ATCAY: variants seen among roughly 807,000 people sequenced by gnomAD.
ATCAY encodes ATCAY kinesin light chain interacting caytaxin.
In ATCAY, 22 loss-of-function variants were observed where a neutral mutation model predicts 47.7. That is an observed-to-expected ratio of 0.46 (90% confidence interval 0.33 to 0.66). ATCAY has a LOEUF of 0.66. ATCAY is among the 30% of genes least tolerant of loss of function. ATCAY has a pLI of 0.02. For synonymous variants in ATCAY, 216 were observed against 207.6 expected (o/e 1.04, Z -0.35); for missense variants, 452 against 515.0 (o/e 0.88, Z 1.18).
At chr19:3,901,479 A>C (rs2038815911) in intron 2 of ATCAY, among the ~76,000 whole-genome samples, 1 of 151,960 alleles carries the variant, frequency 6.6e-6, no homozygotes, top group Admixed American at 6.6e-5. Flanking sequence ...TTTTTGCTGC[A>C]TTTGAGAGTC....
At chr19:3,887,989 C>G (rs182744978) in intron 2 of ATCAY, among the ~76,000 whole-genome samples, 3 of 151,882 alleles carry the variant, frequency 2.0e-5, no homozygotes, top group South Asian at 2.1e-4. Context: ...GTGGTGCACG[C>G]CTGTAATCCC....
intron 4 of ATCAY, among the ~76,000 whole-genome samples, chr19:3,905,888 G>A (rs895083426): frequency 1.3e-5 from 2 of 151,926 alleles, no homozygotes; most frequent in Non-Finnish European, 2.9e-5. Flanking sequence ...AAAAGAGAGA[G>A]GTGGCTGGGC....
At chr19:3,915,353 T>G (rs1204888270) in intron 9 of ATCAY, among the ~76,000 whole-genome samples, 1 of 150,546 alleles carries the variant, frequency 6.6e-6, no homozygotes, top group Non-Finnish European at 1.5e-5. Flanking sequence ...TTTTTTTTTT[T>G]TTTGTATTTT....
chr19:3,908,004 C>T (rs1273559690), intron 5 of ATCAY, 85 bp downstream of exon 5: 4 of 1,479,264 alleles, frequency 2.7e-6, no homozygotes, highest in Non-Finnish European at 3.7e-6. Context: ...CTCTCTGATG[C>T]ACGGGGATGT....
intron 2 of ATCAY, among the ~76,000 whole-genome samples, chr19:3,898,233 G>A (rs1371926063): frequency 6.6e-6 from 1 of 151,924 alleles, no homozygotes; most frequent in Non-Finnish European, 1.5e-5. Flanking sequence ...CACCTAGGCT[G>A]GAGTGCAGTG....
intron 2 of ATCAY, among the ~76,000 whole-genome samples, chr19:3,890,892 A>G (rs1373786737): frequency 6.6e-6 from 1 of 152,138 alleles, no homozygotes; most frequent in Non-Finnish European, 1.5e-5. Context: ...GTGCAGGTCC[A>G]GCTGCGGCCA....
Position 3,907,632 on chromosome 19 carries a change from C to T in ATCAY, c.359-102C>T. ...GGGGAGAAGCGAAGGACTTGTGGGT[C>T]CCGGCAGCGAGGGAGGTGGGAGAGG... On this transcript the variant is annotated intron_variant, in intron 4 of 12. Transcript: ENST00000450849. This position sits in a 1 kb window ranked among gnomAD's most constrained non-coding sequence, Gnocchi z 5.1. 1 of 1,405,196 alleles carries T rather than the reference C, an allele frequency of 7.1e-7. No homozygotes were observed. 87.0% of individuals were successfully genotyped at this position (1,405,196 alleles called of 1,614,324 possible).
At chr19:3,893,706 G>A (rs1378682807) in intron 2 of ATCAY, 1 of 152,234 alleles carries the variant, frequency 6.6e-6, no homozygotes, top group Non-Finnish European at 1.5e-5. Context: ...CAGAGCAGTG[G>A]GTCTTCCTTC....
rs2039053084 is a variant in ATCAY at position 3,924,889 on chromosome 19, T to G, written c.*297T>G. On this transcript the variant is annotated 3_prime_UTR_variant, in exon 13 of 13. Coordinates refer to ENST00000450849, the MANE Select transcript of ATCAY (RefSeq NM_033064.5). ...CGAGGAAGGCAAGAAGCGCAGGGGG[T>G]GGCCCGCGTGGCGTCGGTGGCCTCC... 2.5e-6 allele frequency: 1 copy of G among 393,442 alleles called. No individual in the cohort carries two copies. Among genetic ancestry groups the G allele is most frequent in the Non-Finnish European group, 4.6e-6 (1 of 215,178 alleles). 24.4% of individuals were successfully genotyped at this position (393,442 alleles called of 1,614,324 possible).
At chr19:3,892,908 C>CA (rs59366505) in intron 2 of ATCAY, among the ~76,000 whole-genome samples, 27 of 148,108 alleles carry the variant, frequency 1.8e-4, no homozygotes, top group East Asian at 9.9e-4. Context: ...ACTCTGTCTC[C>CA]AAAAAAAAAA....
rs947725462 is a variant in ATCAY at position 3,917,768 on chromosome 19, G to A, written c.992G>A (p.Arg331Lys). 7 of 1,613,292 alleles carry A rather than the reference G, an allele frequency of 4.3e-6. No homozygotes were observed. Among genetic ancestry groups the A allele is most frequent in the African/African-American group, 4.0e-5 (3 of 74,862 alleles). Reference protein sequence around the residue: ...LQYEEERLKARRESARPQPEF... With the variant: ...LQYEEERLKAKRESARPQPEF... ...TACGAAGAGGAAAGACTGAAGGCCA[G>A]GAGGGAGAGGTGTGTGCAGAGTGGT... is the stretch of plus-strand genomic sequence containing the variant. The change falls in exon 10 of 13, where the codon AGG becomes AAG. Residue 331 changes from arginine to lysine, a missense_variant. Coordinates refer to ENST00000450849, the MANE Select transcript of ATCAY (RefSeq NM_033064.5).
intron 3 of ATCAY, among the ~76,000 whole-genome samples, chr19:3,904,159 A>G (rs972355323): frequency 6.6e-6 from 1 of 151,930 alleles, no homozygotes; most frequent in Non-Finnish European, 1.5e-5. Context: ...TCTAAACAAA[A>G]CAAAACAAAA....
chr19:3,892,356 C>A (rs2038725529), intron 2 of ATCAY, among the ~76,000 whole-genome samples: 1 of 152,036 alleles, frequency 6.6e-6, no homozygotes, highest in Non-Finnish European at 1.5e-5. Context: ...GCATATGCCA[C>A]CACACCCAGC....
chr19:3,912,043 C>A lies in ATCAY; in HGVS notation c.866+1154C>A, dbSNP rs75587587. Among the ~76,000 whole-genome samples, 300 of 152,298 alleles carry A rather than the reference C, an allele frequency of 2.0e-3. 1 individual carries two copies. Among genetic ancestry groups the A allele is most frequent in the African/African-American group, 6.6e-3 (276 of 41,576 alleles). ...TCAGTCTAAGATAATTGCATTTGCT[C>A]CTCTATATTCCAGAATTCAGTAACA... On this transcript the variant is annotated intron_variant, in intron 8 of 12. Coordinates refer to ENST00000450849, the MANE Select transcript of ATCAY (RefSeq NM_033064.5).
At chr19:3,884,022 G>A (rs2038625349) in intron 1 of ATCAY, among the ~76,000 whole-genome samples, 1 of 152,078 alleles carries the variant, frequency 6.6e-6, no homozygotes, top group South Asian at 2.1e-4. Flanking sequence ...TGTGGGGGGT[G>A]GGGCGGCACA....
chr19:3,913,848 C>G lies in ATCAY; in HGVS notation c.957C>G (p.Cys319Trp), dbSNP rs370680121. Residue 319 changes from cysteine (C) to tryptophan (W), a missense_variant, in exon 9 of 13, where the codon TGC becomes TGG. By Grantham distance (215) the Cys-to-Trp change is radical. Coordinates refer to ENST00000450849, the MANE Select transcript of ATCAY (RefSeq NM_033064.5). ...TGGAACACGTCCAGATCCCAGACTG[C>G]GTCCTGCAGTGAGTGGCCCCACAGT... is the stretch of plus-strand genomic sequence containing the variant. ...IPMEHVQIPD[C>W]VLQYEEERLK... 6.2e-7 allele frequency: 1 copy of G among 1,612,778 alleles called. No individual in the cohort carries two copies.
chr19:3,918,465 C>T (rs534953197), intron 10 of ATCAY, among the ~76,000 whole-genome samples: 4 of 150,706 alleles, frequency 2.7e-5, no homozygotes, highest in African/African-American at 4.9e-5. Context: ...TGAATCGGGA[C>T]GACTGCTTGA....
intron 1 of ATCAY, among the ~76,000 whole-genome samples, chr19:3,881,483 C>T (rs1246857312): frequency 7.1e-6 from 1 of 139,944 alleles, no homozygotes; most frequent in African/African-American, 2.5e-5. Context: ...ATGCCTCCTC[C>T]TTATTGGAAC....
At chr19:3,891,042 C>T (rs912732536) in intron 2 of ATCAY, among the ~76,000 whole-genome samples, 1 of 151,686 alleles carries the variant, frequency 6.6e-6, no homozygotes, top group Non-Finnish European at 1.5e-5. Flanking sequence ...TGGCCTCTGC[C>T]CTTCTAGCAC....
Sources: gnomAD v4.1 joint callset for allele counts (sites outside exome capture counted in the v4.1 genomes callset) on GRCh38, gnomAD v4.1.1 for gene constraint, Gnocchi (gnomAD v3.1) non-coding constraint, MANE v1.5 for transcripts, NCBI Gene and HGNC (gene_info 2026-07-23, HGNC 2026-07-21) for gene names.